The following DRC11 variants were observed in gnomAD, a reference collection of about 807,000 sequenced individuals.
The protein encoded by DRC11 is IQ and AAA domain-containing protein 1.
the DRC11 span, among the ~76,000 whole-genome samples, chr2:236,479,250 C>CT: frequency 6.6e-6 from 1 of 152,148 alleles, no homozygotes; most frequent in Non-Finnish European, 1.5e-5. The surrounding 1 kb of genome is among the most constrained non-coding windows in gnomAD (Gnocchi z 4.1). Flanking sequence ...AAACTGGCTT[C>CT]CTGTAGGCAG....
the DRC11 span, among the ~76,000 whole-genome samples, chr2:236,358,206 A>C: frequency 4.6e-4 from 59 of 127,558 alleles, 1 homozygote; most frequent in South Asian, 0.013. Context: ...TATATATACT[A>C]TATGAATATA....
the DRC11 span, among the ~76,000 whole-genome samples, chr2:236,438,551 G>A: frequency 7.9e-5 from 12 of 151,786 alleles, no homozygotes; most frequent in Admixed American, 2.0e-4. Context: ...CCATTTTCAC[G>A]ATATTGATTC....
At chr2:236,322,437 G>A in the DRC11 span, among the ~76,000 whole-genome samples, 31 of 151,828 alleles carry the variant, frequency 2.0e-4, no homozygotes, top group African/African-American at 5.3e-4. Flanking sequence ...TAGTAGATAC[G>A]GGGTTTCACT....
the DRC11 span, among the ~76,000 whole-genome samples, chr2:236,501,790 C>T: frequency 2.0e-5 from 3 of 152,106 alleles, no homozygotes; most frequent in Non-Finnish European, 4.4e-5. Context: ...CCAAACCTGC[C>T]AGGACAACAT....
At chr2:236,382,507 T>C in the DRC11 span, among the ~76,000 whole-genome samples, 2 of 152,228 alleles carry the variant, frequency 1.3e-5, no homozygotes, top group Non-Finnish European at 2.9e-5. Context: ...TTTGATAGAA[T>C]TGCATTAATC....
chr2:236,423,521 G>C, the DRC11 span, among the ~76,000 whole-genome samples: 14 of 152,208 alleles, frequency 9.2e-5, no homozygotes, highest in African/African-American at 3.4e-4. Context: ...ACACCAGTTA[G>C]AATGGCGATC....
the DRC11 span, among the ~76,000 whole-genome samples, chr2:236,506,382 T>A: frequency 2.0e-5 from 3 of 152,226 alleles, no homozygotes; most frequent in African/African-American, 7.2e-5. The surrounding 1 kb of genome is among the most constrained non-coding windows in gnomAD (Gnocchi z 4.9). Context: ...GCCTATTTCA[T>A]CTCCACGTGA....
chr2:236,498,322 A>C, the DRC11 span, among the ~76,000 whole-genome samples: 51 of 151,832 alleles, frequency 3.4e-4, no homozygotes, highest in East Asian at 8.3e-3. Context: ...AAAATTAGCC[A>C]GGCATAGTGG....
the DRC11 span, among the ~76,000 whole-genome samples, chr2:236,480,038 TC>T: frequency 2.6e-5 from 4 of 151,388 alleles, no homozygotes; most frequent in East Asian, 1.9e-4. Context: ...TTTTTTTTTT[TC>T]CTTTCAGAAC....
chr2:236,340,834 G>C, the DRC11 span, among the ~76,000 whole-genome samples: 9 of 152,206 alleles, frequency 5.9e-5, no homozygotes, highest in Non-Finnish European at 1.3e-4. Flanking sequence ...GCAATGTCCA[G>C]AGTGACATCC....
the DRC11 span, among the ~76,000 whole-genome samples, chr2:236,489,157 C>T: frequency 7.3e-6 from 1 of 136,342 alleles, no homozygotes; most frequent in African/African-American, 2.8e-5. Context: ...GCTCCGGGTG[C>T]ATGCTGGGGC....
the DRC11 span, among the ~76,000 whole-genome samples, chr2:236,336,276 C>CA: frequency 7.9e-5 from 12 of 151,794 alleles, no homozygotes; most frequent in South Asian, 2.1e-4. The surrounding 1 kb of genome is among the most constrained non-coding windows in gnomAD (Gnocchi z 7.3). Context: ...GTTCTTTTAG[C>CA]AAAAAAAACG....
chr2:236,467,980 C>A, the DRC11 span, among the ~76,000 whole-genome samples: 1 of 152,080 alleles, frequency 6.6e-6, no homozygotes, highest in Non-Finnish European at 1.5e-5. Flanking sequence ...GTCCACTCAC[C>A]CCATAAAATC....
the DRC11 span, among the ~76,000 whole-genome samples, chr2:236,459,653 G>A: frequency 8.1e-6 from 1 of 123,330 alleles, no homozygotes; most frequent in East Asian, 2.0e-4. Context: ...ACGTATATAT[G>A]TATATACATA....
the DRC11 span, among the ~76,000 whole-genome samples, chr2:236,421,967 T>C: frequency 6.6e-6 from 1 of 152,186 alleles, no homozygotes; most frequent in African/African-American, 2.4e-5. Context: ...CATATGATTA[T>C]CTCAATAGAT....
At chr2:236,411,601 G>A in the DRC11 span, among the ~76,000 whole-genome samples, 14 of 151,600 alleles carry the variant, frequency 9.2e-5, no homozygotes, top group Non-Finnish European at 1.6e-4. Flanking sequence ...GCACATGTAT[G>A]TTTATTGTGG....
At chr2:236,445,006 C>T in the DRC11 span, among the ~76,000 whole-genome samples, 2 of 152,338 alleles carry the variant, frequency 1.3e-5, no homozygotes, top group African/African-American at 4.8e-5. This position sits in a 1 kb window ranked among gnomAD's most constrained non-coding sequence, Gnocchi z 4.8. Flanking sequence ...ACCCGTGCAT[C>T]GCCCAGCCTG....
At chr2:236,507,159 A>G in the DRC11 span, 4 of 1,266,586 alleles carry the variant, frequency 3.2e-6, no homozygotes, top group Admixed American at 4.0e-5. Flanking sequence ...GGGGAGGAGA[A>G]AAGAAAAGAA....
the DRC11 span, among the ~76,000 whole-genome samples, chr2:236,481,645 A>T: frequency 6.6e-6 from 1 of 152,124 alleles, no homozygotes; most frequent in Non-Finnish European, 1.5e-5. Context: ...TAATTAACAA[A>T]GTAAAATTTG....
Sources: gnomAD v4.1 joint callset for allele counts (sites outside exome capture counted in the v4.1 genomes callset) on GRCh38, gnomAD v4.1.1 for gene constraint, Gnocchi (gnomAD v3.1) non-coding constraint, MANE v1.5 for transcripts, NCBI Gene and HGNC (gene_info 2026-07-23, HGNC 2026-07-21) for gene names.